The following CNBP variants were observed in gnomAD, a reference collection of about 807,000 sequenced individuals.
The protein encoded by CNBP is cellular nucleic acid-binding protein.
A neutral mutation model predicts 21.2 loss-of-function variants in CNBP; 6 were observed. The observed-to-expected ratio is 0.28, with a 90% CI of 0.16 to 0.56. The LOEUF (loss-of-function observed/expected upper bound fraction) is 0.56. CNBP is among the 20% of genes least tolerant of loss of function. CNBP has a pLI of 0.93. For synonymous variants in CNBP, 61 were observed against 74.9 expected (o/e 0.81, Z 0.96); for missense variants, 112 against 233.1 (o/e 0.48, Z 3.38).
At chr3:129,183,036 C>T (rs1177019557) in intron 1 of CNBP, among the ~76,000 whole-genome samples, 2 of 152,106 alleles carry the variant, frequency 1.3e-5, no homozygotes, top group African/African-American at 4.8e-5. Context: ...ACCACAACCT[C>T]GGCCTCCGGG....
intron 1 of CNBP, among the ~76,000 whole-genome samples, chr3:129,173,651 G>C (rs995106265): frequency 1.9e-4 from 29 of 152,046 alleles, no homozygotes; most frequent in African/African-American, 6.3e-4. Context: ...ATAAATTGAG[G>C]CTATTCTTAA....
intron 1 of CNBP, among the ~76,000 whole-genome samples, chr3:129,183,217 G>A (rs1285649381): frequency 6.6e-6 from 1 of 152,162 alleles, no homozygotes; most frequent in Non-Finnish European, 1.5e-5. Flanking sequence ...CAAAGTGCTG[G>A]GATTACAGGC....
rs1265310939 is a variant in CNBP, at chr3:129,168,454, G to A, written c.*1999C>T. 2.0e-5 allele frequency among the ~76,000 whole-genome samples: 3 copies of A among 149,732 alleles called. No homozygotes were observed. The highest frequency in any genetic ancestry group is 6.7e-5 in the Admixed American group (1 of 14,964). On this transcript the variant is annotated 3_prime_UTR_variant, in exon 5 of 5. Transcript: ENST00000422453. ...CTACTAAAAATAACAAAAATTAGCT[G>A]GGTGTGGTGGCGGACACCTGTAATC...
At chr3:129,179,155 T>C (rs1055072193) in intron 1 of CNBP, among the ~76,000 whole-genome samples, 2 of 151,984 alleles carry the variant, frequency 1.3e-5, no homozygotes, top group African/African-American at 2.4e-5. Context: ...CCCGTGCCTG[T>C]AGTTCCAAAT....
rs367702426 is a variant in CNBP, at chr3:129,178,386, T to C, written c.-15+5390A>G. Among the ~76,000 whole-genome samples the C allele has an allele frequency of 4.6e-5, 7 of 152,292 alleles. No individual in the cohort carries two copies. The South Asian group carries it at 1.2e-3, about 27-fold the overall frequency. ...AGTAAACTACTAAAATCTAACAGTA[T>C]GTGGTCAAGACTAACAACTAGGGTT... is the stretch of plus-strand genomic sequence containing the variant. On this transcript the variant is annotated intron_variant, in intron 1 of 4. Coordinates refer to ENST00000422453, the MANE Select transcript of CNBP (RefSeq NM_003418.5).
At chr3:129,177,644 G>C (rs1369011797) in intron 1 of CNBP, among the ~76,000 whole-genome samples, 1 of 152,118 alleles carries the variant, frequency 6.6e-6, no homozygotes, top group Non-Finnish European at 1.5e-5. Context: ...GCTTATACTT[G>C]TTTCCCACCT....
intron 1 of CNBP, among the ~76,000 whole-genome samples, chr3:129,174,136 T>C (rs1399706185): frequency 6.6e-6 from 1 of 152,060 alleles, no homozygotes; most frequent in Non-Finnish European, 1.5e-5. Context: ...ATGAACATAT[T>C]ACCAAAAAAA....
intron 1 of CNBP, among the ~76,000 whole-genome samples, chr3:129,177,173 C>T (rs973310191): frequency 6.6e-6 from 1 of 152,200 alleles, no homozygotes; most frequent in Non-Finnish European, 1.5e-5. Context: ...TTTTGTCAGG[C>T]AGCAGGAAAA....
At chr3:129,181,565 C>T (rs1384950178) in intron 1 of CNBP, among the ~76,000 whole-genome samples, 2 of 140,750 alleles carry the variant, frequency 1.4e-5, no homozygotes, top group African/African-American at 2.6e-5. Context: ...GCAGGAGAAT[C>T]GCTTAATCCG....
intron 1 of CNBP, among the ~76,000 whole-genome samples, chr3:129,183,165 G>C (rs898845225): frequency 3.3e-5 from 5 of 152,078 alleles, no homozygotes; most frequent in African/African-American, 4.8e-5. Context: ...GGTCAGGCTG[G>C]TCTCGAACTC....
chr3:129,180,839 T>C (rs1034716939), intron 1 of CNBP, among the ~76,000 whole-genome samples: 2 of 151,870 alleles, frequency 1.3e-5, no homozygotes, highest in Non-Finnish European at 1.5e-5. Flanking sequence ...CTTCAGCCAA[T>C]AGACAAATCA....
intron 1 of CNBP, among the ~76,000 whole-genome samples, chr3:129,172,541 C>G (rs899398904): frequency 6.6e-6 from 1 of 151,990 alleles, no homozygotes; most frequent in Non-Finnish European, 1.5e-5. Flanking sequence ...GAGATCATAC[C>G]ACTGCACTCC....
chr3:129,177,855 TAAGA>T (rs921384765), intron 1 of CNBP, among the ~76,000 whole-genome samples: 1 of 152,118 alleles, frequency 6.6e-6, no homozygotes, highest in Non-Finnish European at 1.5e-5. Context: ...AAGAAATGAC[TAAGA>T]TAGTCAAGAT....
At chr3:129,174,921 G>C (rs189516989) in intron 1 of CNBP, among the ~76,000 whole-genome samples, 52 of 152,178 alleles carry the variant, frequency 3.4e-4, no homozygotes, top group African/African-American at 1.2e-3. Flanking sequence ...ACAAGGATGG[G>C]CACAGTGGCT....
chr3:129,177,331 G>A (rs1937976038), intron 1 of CNBP, among the ~76,000 whole-genome samples: 1 of 152,106 alleles, frequency 6.6e-6, no homozygotes, highest in African/African-American at 2.4e-5. Flanking sequence ...GACACTGTAA[G>A]AGATTTTGGA....
intron 1 of CNBP, among the ~76,000 whole-genome samples, chr3:129,172,262 G>A (rs973485471): frequency 3.3e-5 from 5 of 151,874 alleles, no homozygotes; most frequent in Non-Finnish European, 7.4e-5. Flanking sequence ...TACAGGGTTA[G>A]GGTCAATGAA....
intron 1 of CNBP, among the ~76,000 whole-genome samples, chr3:129,173,626 T>C (rs1018924917): frequency 1.3e-5 from 2 of 152,214 alleles, no homozygotes; most frequent in African/African-American, 4.8e-5. Flanking sequence ...TTTGTACTTA[T>C]GTAACAATCT....
chr3:129,173,020 G>T (rs1030913095), intron 1 of CNBP, among the ~76,000 whole-genome samples: 2 of 152,114 alleles, frequency 1.3e-5, no homozygotes, highest in Non-Finnish European at 2.9e-5. Context: ...TAAAACAAAT[G>T]CAAGATACAA....
intron 1 of CNBP, among the ~76,000 whole-genome samples, chr3:129,172,687 GACAGACAGACACACACACACACACAC>G (rs1227764629): frequency 1.1e-5 from 1 of 94,204 alleles, no homozygotes; most frequent in Non-Finnish European, 2.2e-5. Context: ...CAGACAGACA[GACAGACAGACACACACACACACACAC>G]ACACACACAC....
Sources: allele counts gnomAD v4.1 joint callset (sites outside exome capture counted in the v4.1 genomes callset), GRCh38; gene constraint gnomAD v4.1.1; transcripts MANE v1.5; gene names NCBI Gene and HGNC (gene_info 2026-07-23, HGNC 2026-07-21).